Variants in SLC4A4 observed in about 807,000 individuals in gnomAD.
SLC4A4 encodes electrogenic sodium bicarbonate cotransporter 1.
Under a neutral mutation model 111.5 loss-of-function variants are expected in SLC4A4, and 27 were observed. The ratio of observed to expected loss-of-function variants is 0.24; its 90% CI spans 0.18 to 0.33. SLC4A4 has a LOEUF of 0.33. SLC4A4 is among the 10% of genes least tolerant of loss of function. The probability of loss-of-function intolerance (pLI) is 1.00; values close to 1 mark genes in which losing one functional copy is unlikely to be tolerated. For synonymous variants in SLC4A4, 443 were observed against 463.4 expected, an observed-to-expected ratio of 0.96 and a Z score of 0.57; for missense variants, 909 against 1,315.5, an observed-to-expected ratio of 0.69 and a Z score of 4.78.
chr4:71,204,563 A>T (rs958519189), intron 1 of SLC4A4, among the ~76,000 whole-genome samples: 2 of 152,146 alleles, frequency 1.3e-5, no homozygotes, highest in African/African-American at 2.4e-5. Context: ...ACTATTTTTT[A>T]AAATGGAATA....
At chr4:71,308,752 G>T (rs1004978454) in intron 3 of SLC4A4, among the ~76,000 whole-genome samples, 9 of 152,300 alleles carry the variant, frequency 5.9e-5, no homozygotes, top group African/African-American at 2.2e-4. Context: ...CACCACCAGG[G>T]CTCTGGGTTT....
chr4:71,089,043 G>T (rs955944458), intron 1 of SLC4A4, among the ~76,000 whole-genome samples: 17 of 152,086 alleles, frequency 1.1e-4, no homozygotes, highest in Non-Finnish European at 1.5e-4. Context: ...CGGTACACCA[G>T]TCAGAGGTAG....
intron 14 of SLC4A4, among the ~76,000 whole-genome samples, chr4:71,480,020 CTTTTTT>C (rs34425929): frequency 3.1e-5 from 4 of 127,410 alleles, no homozygotes; most frequent in Non-Finnish European, 5.2e-5. Flanking sequence ...ATATGCCCAT[CTTTTTT>C]TTTTTTTTTT....
chr4:71,288,870 A>G lies in SLC4A4; in HGVS notation c.253+33471A>G, dbSNP rs557664579. Among the ~76,000 whole-genome samples, 8 of 152,354 alleles carry G rather than the reference A, an allele frequency of 5.3e-5. No homozygotes were observed. In the South Asian group the frequency reaches 1.7e-3, roughly 32 times the overall value. ...TCATTCCATCTTATGAGTTAAAAAA[A>G]TCAATCCTAATTCTAATTTTTTCTT... On this transcript the variant is annotated intron_variant, in intron 3 of 25. Transcript: ENST00000264485.
At chr4:71,537,312 C>T (rs77907262) in intron 18 of SLC4A4, among the ~76,000 whole-genome samples, 1 of 14,252 alleles carries the variant, frequency 7.0e-5, no homozygotes, top group Non-Finnish European at 2.7e-4. Context: ...TATGTATACA[C>T]ATATGTCTAC....
chr4:71,552,615 A>AT (rs1736109706), intron 20 of SLC4A4, among the ~76,000 whole-genome samples: 2 of 151,830 alleles, frequency 1.3e-5, no homozygotes, highest in South Asian at 4.1e-4. Context: ...GTTAACTCCT[A>AT]TTTTGATTTT....
At chr4:71,084,318 T>C (rs1418471197) in intron 1 of SLC4A4, among the ~76,000 whole-genome samples, 1 of 152,092 alleles carries the variant, frequency 6.6e-6, no homozygotes, top group Non-Finnish European at 1.5e-5. Flanking sequence ...TTTTCATATG[T>C]ATGTTTCAAC....
At chr4:71,240,194 C>T (rs981862353) in intron 2 of SLC4A4, among the ~76,000 whole-genome samples, 3 of 152,100 alleles carry the variant, frequency 2.0e-5, no homozygotes, top group African/African-American at 7.2e-5. Flanking sequence ...TGTTTTATTC[C>T]TAAAAAAGCC....
At chr4:71,294,434 C>T (rs1724616301) in intron 3 of SLC4A4, among the ~76,000 whole-genome samples, 2 of 152,168 alleles carry the variant, frequency 1.3e-5, no homozygotes, top group East Asian at 1.9e-4. Context: ...TGGTTGGAAC[C>T]TGGCTAGGGG....
intron 7 of SLC4A4, among the ~76,000 whole-genome samples, chr4:71,419,401 A>G (rs1045002637): frequency 9.2e-5 from 14 of 152,206 alleles, no homozygotes; most frequent in East Asian, 3.9e-4. Flanking sequence ...GGACAATGGC[A>G]GGCGCCCCTC....
At chr4:71,090,083 G>A (rs1293905293) in intron 1 of SLC4A4, among the ~76,000 whole-genome samples, 1 of 152,064 alleles carries the variant, frequency 6.6e-6, no homozygotes, top group Non-Finnish European at 1.5e-5. Flanking sequence ...ACCTACTCAA[G>A]CCTTAGCAAT....
At chr4:71,443,116 C>CTCTCTATATATA (rs1198759861) in intron 8 of SLC4A4, among the ~76,000 whole-genome samples, 26 of 65,652 alleles carry the variant, frequency 4.0e-4, no homozygotes, top group African/African-American at 6.1e-4. Flanking sequence ...CTCTCTCTCT[C>CTCTCTATATATA]TATATATATA....
intron 8 of SLC4A4, among the ~76,000 whole-genome samples, chr4:71,446,352 T>C (rs1178692821): frequency 2.0e-5 from 3 of 152,142 alleles, no homozygotes; most frequent in Non-Finnish European, 4.4e-5. Context: ...CATAAAAATC[T>C]TACCTAAGAT....
At chr4:71,529,618 A>G (rs1273925523) in intron 16 of SLC4A4, among the ~76,000 whole-genome samples, 1 of 152,112 alleles carries the variant, frequency 6.6e-6, no homozygotes, top group Non-Finnish European at 1.5e-5. Flanking sequence ...GACTTTGGTC[A>G]AGCAAGTCAG....
chr4:71,312,324 G>A (rs1277214674), intron 3 of SLC4A4, among the ~76,000 whole-genome samples: 4 of 152,270 alleles, frequency 2.6e-5, no homozygotes, highest in African/African-American at 7.2e-5. Context: ...CGGATTCACA[G>A]CTGAATTCTA....
intron 15 of SLC4A4, among the ~76,000 whole-genome samples, chr4:71,493,412 T>A (rs1235521747): frequency 6.6e-6 from 1 of 152,062 alleles, no homozygotes; most frequent in African/African-American, 2.4e-5. Context: ...TCCTTGAATA[T>A]GTCATATATT....
chr4:71,085,930 A>G (rs1177697143), intron 1 of SLC4A4, among the ~76,000 whole-genome samples: 4 of 151,944 alleles, frequency 2.6e-5, no homozygotes, highest in Non-Finnish European at 5.9e-5. Flanking sequence ...GTTTTTTCCA[A>G]TTCTGTGAAG....
At chr4:71,360,138 G>T (rs1560440091) in intron 6 of SLC4A4, among the ~76,000 whole-genome samples, 1 of 152,126 alleles carries the variant, frequency 6.6e-6, no homozygotes, top group East Asian at 1.9e-4. Flanking sequence ...CTTTCTGCCT[G>T]TTTCACTACA....
At chr4:71,296,204 G>A (rs1371499652) in intron 3 of SLC4A4, among the ~76,000 whole-genome samples, 1 of 151,668 alleles carries the variant, frequency 6.6e-6, no homozygotes, top group Admixed American at 6.6e-5. Flanking sequence ...AAAATAAAAA[G>A]CTATATGATA....
Sources: gnomAD v4.1 joint callset for allele counts (sites outside exome capture counted in the v4.1 genomes callset) on GRCh38, gnomAD v4.1.1 for gene constraint, MANE v1.5 for transcripts, NCBI Gene and HGNC (gene_info 2026-07-23, HGNC 2026-07-21) for gene names.